The following CALN1 variants were observed in gnomAD, a reference collection of about 807,000 sequenced individuals.
CALN1 encodes calcium-binding protein 8.
A neutral mutation model predicts 30.6 loss-of-function variants in CALN1; 17 were observed. The observed-to-expected ratio is 0.56, with a 90% CI of 0.38 to 0.83. The LOEUF is 0.83. Among genes scored for constraint, CALN1 ranks in the 40% least tolerant of loss-of-function variants. The pLI, the probability that CALN1 is intolerant of heterozygous loss-of-function variation, is 0.00. For synonymous variants in CALN1, 156 were observed against 131.4 expected, an observed-to-expected ratio of 1.19 and a Z score of -1.28; for missense variants, 291 against 354.9, an observed-to-expected ratio of 0.82 and a Z score of 1.45.
intron 2 of CALN1, among the ~76,000 whole-genome samples, chr7:72,292,254 A>G (rs1798536175): frequency 6.6e-6 from 1 of 151,842 alleles, no homozygotes; most frequent in Non-Finnish European, 1.5e-5. Context: ...TCAGGGTGCC[A>G]GCTTGATCAA....
At chr7:72,169,491 T>TAC (rs57397650) in intron 3 of CALN1, among the ~76,000 whole-genome samples, 4 of 97,440 alleles carry the variant, frequency 4.1e-5, no homozygotes, top group African/African-American at 1.3e-4. Context: ...AGCTGATTAT[T>TAC]TTTTTTTTTT....
chr7:71,983,531 C>CT (rs5884866), intron 5 of CALN1, among the ~76,000 whole-genome samples: 8 of 147,730 alleles, frequency 5.4e-5, no homozygotes, highest in Non-Finnish European at 8.9e-5. Flanking sequence ...TGATTGGATG[C>CT]TTTTTTTTTC....
chr7:72,057,613 AC>A (rs1803351929), intron 4 of CALN1, among the ~76,000 whole-genome samples: 1 of 152,042 alleles, frequency 6.6e-6, no homozygotes. Context: ...AAGCAAATAA[AC>A]AAAATAATTA....
intron 2 of CALN1, among the ~76,000 whole-genome samples, chr7:72,400,381 T>C (rs888396192): frequency 7.9e-5 from 12 of 152,206 alleles, no homozygotes; most frequent in African/African-American, 2.7e-4. Context: ...AGGAATCATC[T>C]TCATATGGAC....
At chr7:71,804,168 G>T (rs1787471051) in intron 6 of CALN1, among the ~76,000 whole-genome samples, 1 of 152,006 alleles carries the variant, frequency 6.6e-6, no homozygotes, top group Admixed American at 6.6e-5. Flanking sequence ...ACACCTCTTA[G>T]TAAAATTATC....
At chr7:72,131,310 G>C (rs1441423028) in intron 3 of CALN1, among the ~76,000 whole-genome samples, 1 of 152,154 alleles carries the variant, frequency 6.6e-6, no homozygotes, top group Non-Finnish European at 1.5e-5. Context: ...AGATGCTATG[G>C]TGATGATTCT....
At chr7:72,336,015 C>G (rs920973432) in intron 2 of CALN1, among the ~76,000 whole-genome samples, 3 of 152,210 alleles carry the variant, frequency 2.0e-5, no homozygotes, top group Non-Finnish European at 4.4e-5. Context: ...ATCCCACCCC[C>G]ACCTGGGCGC....
chr7:71,793,948 T>C (rs1012319966), intron 6 of CALN1, among the ~76,000 whole-genome samples: 1 of 151,998 alleles, frequency 6.6e-6, no homozygotes, highest in Non-Finnish European at 1.5e-5. Flanking sequence ...AACTGGAAAA[T>C]TGTTTGTGCC....
At chr7:72,486,999 T>A in the CALN1 span, among the ~76,000 whole-genome samples, 20,644 of 152,242 alleles carry the variant, frequency 0.14, 1,527 homozygotes, top group African/African-American at 0.15. Flanking sequence ...TTATTATGTA[T>A]CATGTGTGTA....
At chr7:72,386,832 C>A (rs1308962050) in intron 2 of CALN1, among the ~76,000 whole-genome samples, 1 of 152,104 alleles carries the variant, frequency 6.6e-6, no homozygotes, top group Non-Finnish European at 1.5e-5. Context: ...GGGGTCTTGT[C>A]ACCTTGCCCT....
In CALN1 at chr7:72,278,710, T is replaced by C. The variant is rs778066829; in HGVS notation, c.220A>G (p.Asn74Asp). The C allele has an allele frequency of 6.2e-7, 1 of 1,613,872 alleles. No homozygotes were observed. The highest frequency in any genetic ancestry group is 2.2e-5 in the East Asian group (1 of 44,864). ...CCATCGAGCTCCTCCACGGAGATAT[T>C]AGCCAGCTGTTCGCTGTCACTGCCA... ...SAGSDSEQLA[N>D]ISVEELDEIR... The change falls in exon 3 of 7, where the codon AAT (asparagine) becomes GAT (aspartate). Residue 74 changes from asparagine (N) to aspartate (D), a missense_variant. Physicochemically the swap from Asn to Asp is conservative, Grantham distance 23. This residue lies in a region of CALN1 where 122 missense variants were observed against 103.2 expected (regional missense o/e 1.18). Transcript: ENST00000395275.
intron 2 of CALN1, among the ~76,000 whole-genome samples, chr7:72,333,691 GA>G (rs5884885): frequency 0.45 from 48,569 of 107,660 alleles, 8,728 homozygotes; most frequent in Middle Eastern, 0.58. Flanking sequence ...GGAATATGCA[GA>G]AAAAAAAAAA....
intron 5 of CALN1, among the ~76,000 whole-genome samples, chr7:71,862,711 C>CT (rs1432660943): frequency 4.6e-5 from 7 of 152,206 alleles, no homozygotes; most frequent in African/African-American, 1.7e-4. Flanking sequence ...AAGCTCACAT[C>CT]TTTAGATACA....
chr7:72,336,677 A>G (rs1307625943), intron 2 of CALN1: 2 of 984,492 alleles, frequency 2.0e-6, no homozygotes, highest in Admixed American at 1.2e-4. Flanking sequence ...CGCGCGGGTA[A>G]GCTAGGGAGC....
chr7:72,061,796 CAAA>C (rs1161510912), intron 4 of CALN1, among the ~76,000 whole-genome samples: 66 of 85,110 alleles, frequency 7.8e-4, no homozygotes, highest in Middle Eastern at 8.1e-3. Context: ...GACTCTGTCT[CAAA>C]AAAAAAAAAA....
intron 3 of CALN1, among the ~76,000 whole-genome samples, chr7:72,209,370 C>CTCTT (rs1480120990): frequency 8.5e-4 from 9 of 10,578 alleles, no homozygotes; most frequent in Non-Finnish European, 1.1e-3. Flanking sequence ...CTTTCCTTCC[C>CTCTT]TCCTTCCCTC....
chr7:72,030,604 T>C (rs1584782431), intron 4 of CALN1, among the ~76,000 whole-genome samples: 1 of 152,020 alleles, frequency 6.6e-6, no homozygotes, highest in East Asian at 1.9e-4. Flanking sequence ...ATCTCAGAGG[T>C]AGGTTTTACA....
chr7:72,448,021 C>T (rs1298525618), upstream of CALN1, among the ~76,000 whole-genome samples: 2 of 151,848 alleles, frequency 1.3e-5, no homozygotes, highest in Non-Finnish European at 2.9e-5. Context: ...CAGGTACACA[C>T]ATGCCCGCTC....
chr7:72,166,639 A>C (rs1461795911), intron 3 of CALN1, among the ~76,000 whole-genome samples: 1 of 152,222 alleles, frequency 6.6e-6, no homozygotes, highest in Non-Finnish European at 1.5e-5. Context: ...CAAGAGCAAA[A>C]TATGGGAAAC....
Sources: gnomAD v4.1 joint callset for allele counts (sites outside exome capture counted in the v4.1 genomes callset) on GRCh38, gnomAD v4.1.1 for gene constraint, gnomAD v4.1.1 regional missense constraint, MANE v1.5 for transcripts, NCBI Gene and HGNC (gene_info 2026-07-23, HGNC 2026-07-21) for gene names.